The following MRC1 variants were observed in gnomAD, a reference collection of about 807,000 sequenced individuals.
MRC1 encodes the protein macrophage mannose receptor 1.
A neutral mutation model predicts 102.9 loss-of-function variants in MRC1; 62 were observed. That is an observed-to-expected ratio of 0.60 (90% CI 0.49 to 0.74). The LOEUF is 0.74. Among genes scored for constraint, MRC1 ranks in the 30% least tolerant of loss-of-function variants. The probability of loss-of-function intolerance (pLI) is 0.00; values close to 1 mark genes in which losing one functional copy is unlikely to be tolerated. For missense variants in MRC1, 1,237 were observed against 862.8 expected (o/e 1.43, Z -5.43); for synonymous variants, 457 against 298.4 (o/e 1.53, Z -5.48).
At chr10:17,858,596 T>A (rs34902103) in intron 9 of MRC1, among the ~76,000 whole-genome samples, 2,026 of 152,344 alleles carry the variant, frequency 0.013, 55 homozygotes, top group South Asian at 0.1. Context: ...CAAGTAATTC[T>A]TCTGCTTCAG....
intron 22 of MRC1, 31 bp from the exon 23 acceptor site, chr10:17,894,179 G>A: frequency 2.3e-6 from 2 of 869,572 alleles, no homozygotes; most frequent in East Asian, 2.4e-5. Flanking sequence ...ATTCATGATT[G>A]TTTTCTTTTT....
rs1021257071 is a variant in MRC1 at position 17,872,372 on chromosome 10, C to T, written c.2344+246C>T. 3.3e-4 allele frequency among the ~76,000 whole-genome samples: 51 copies of T among 152,252 alleles called. 1 individual carries two copies. The South Asian group carries it at 7.7e-3, about 23-fold the overall frequency. ...GTCACGTCCTTCCAAATAGTTCCCA[C>T]GAGCAGCTCTGATCCTGGCCCAGGT... On this transcript the variant is annotated intron_variant, in intron 15 of 29. Transcript: ENST00000569591.
At chr10:17,868,336 C>T (rs1187494571) in intron 12 of MRC1, among the ~76,000 whole-genome samples, 2 of 152,226 alleles carry the variant, frequency 1.3e-5, no homozygotes, top group Non-Finnish European at 2.9e-5. Context: ...GGGAAGCAGG[C>T]ACCTTGTTCA....
At chr10:17,832,864 C>T (rs967921813) in intron 3 of MRC1, among the ~76,000 whole-genome samples, 1 of 152,108 alleles carries the variant, frequency 6.6e-6, no homozygotes, top group Admixed American at 6.5e-5. Context: ...GCTAGGATTA[C>T]AGGCGTGAGC....
chr10:17,809,365 G>A lies in MRC1; in HGVS notation c.-101G>A. On this transcript the variant is annotated 5_prime_UTR_variant, in exon 1 of 30. Coordinates refer to ENST00000569591, the MANE Select transcript of MRC1 (RefSeq NM_002438.4). ...GTTCTTTTCAGCTGGGCAGCTCTGG[G>A]AACTTGGATTAGGTGGAGAGGCAGT... 1.2e-6 allele frequency: 1 copy of A among 819,052 alleles called. No individual in the cohort carries two copies. Among genetic ancestry groups the A allele is most frequent in the Non-Finnish European group, 2.2e-6 (1 of 454,028 alleles). 50.7% of individuals were successfully genotyped at this position (819,052 alleles called of 1,614,324 possible). A position where few individuals can be genotyped will look rare whatever the true frequency, so the allele number is the denominator to read the frequency against.
intron 4 of MRC1, among the ~76,000 whole-genome samples, chr10:17,835,945 G>T (rs949682011): frequency 6.6e-6 from 1 of 152,230 alleles, no homozygotes; most frequent in African/African-American, 2.4e-5. Context: ...CACTGTGTTA[G>T]TTCCTGCTGT....
intron 22 of MRC1, among the ~76,000 whole-genome samples, chr10:17,892,688 A>G (rs1833696404): frequency 6.6e-6 from 1 of 152,184 alleles, no homozygotes; most frequent in South Asian, 2.1e-4. Context: ...TTTTTAGAAG[A>G]AAGTAGAAAA....
chr10:17,875,305 G>A (rs1833414820), intron 17 of MRC1, 52 bp downstream of exon 17: 3 of 773,302 alleles, frequency 3.9e-6, no homozygotes, highest in Non-Finnish European at 7.2e-6. Context: ...GGGAACAGGT[G>A]TTGTTTGGTT....
chr10:17,848,442 G>A (rs1022558017), intron 6 of MRC1, among the ~76,000 whole-genome samples: 1 of 152,070 alleles, frequency 6.6e-6, no homozygotes, highest in East Asian at 1.9e-4. Context: ...GCCTTCAAAT[G>A]TCTTTATTGT....
At chr10:17,834,240 T>A (rs1838626361) in intron 4 of MRC1, among the ~76,000 whole-genome samples, 1 of 152,136 alleles carries the variant, frequency 6.6e-6, no homozygotes, top group African/African-American at 2.4e-5. Flanking sequence ...AATGATAAAT[T>A]AAAAGACTGC....
intron 21 of MRC1, among the ~76,000 whole-genome samples, chr10:17,884,313 G>C (rs890367586): frequency 3.9e-5 from 6 of 152,134 alleles, no homozygotes; most frequent in African/African-American, 1.4e-4. Context: ...CTAGATCCAA[G>C]CACACTGAGT....
At chr10:17,876,092 C>T (rs1462622220) in intron 17 of MRC1, among the ~76,000 whole-genome samples, 1 of 152,116 alleles carries the variant, frequency 6.6e-6, no homozygotes, top group African/African-American at 2.4e-5. Flanking sequence ...AAAGTGTCTA[C>T]AATTGGTACC....
chr10:17,907,349 A>G (rs1478094241), intron 27 of MRC1, among the ~76,000 whole-genome samples, 185 bp from the exon 28 acceptor site: 1 of 152,236 alleles, frequency 6.6e-6, no homozygotes, highest in Non-Finnish European at 1.5e-5. Context: ...CGGTAAACCT[A>G]TTCTTTTTCG....
In MRC1 at chr10:17,870,915, A is replaced by G; in HGVS notation, c.2179A>G (p.Thr727Ala). The G allele has an allele frequency of 1.1e-6, 1 of 872,408 alleles. No homozygotes were observed. Among genetic ancestry groups the G allele is most frequent in the Non-Finnish European group, 2.0e-6 (1 of 501,222 alleles). 54.0% of individuals were successfully genotyped at this position (872,408 alleles called of 1,614,324 possible). Residue 727 changes from threonine to alanine, a missense_variant, in exon 14 of 30, where the codon ACT becomes GCT. Physicochemically the swap from Thr to Ala is moderately conservative, Grantham distance 58. Coordinates refer to ENST00000569591, the MANE Select transcript of MRC1 (RefSeq NM_002438.4). ...LTYGSPSEGF[T>A]WSDGSPVSYE... Reference sequence around the variant, plus strand: ...ATATGGAAGCCCTTCAGAAGGTTTTACTTGGAGTGATGGTTCTCCTGTGAG... The same window carrying G: ...ATATGGAAGCCCTTCAGAAGGTTTTGCTTGGAGTGATGGTTCTCCTGTGAG...
At chr10:17,895,366 T>A (rs1034332641) in intron 23 of MRC1, among the ~76,000 whole-genome samples, 23,874 of 152,182 alleles carry the variant, frequency 0.16, 2,182 homozygotes, top group Non-Finnish European at 0.21. Context: ...AATCTGCTTT[T>A]TTTTTTTTAA....
chr10:17,815,274 G>T (rs1172034065), intron 1 of MRC1, among the ~76,000 whole-genome samples: 1 of 152,124 alleles, frequency 6.6e-6, no homozygotes, highest in African/African-American at 2.4e-5. Context: ...TGTTACCTGG[G>T]AGCCAAATCC....
chr10:17,879,899 G>T, intron 19 of MRC1, 78 bp downstream of exon 19: 1 of 779,966 alleles, frequency 1.3e-6, no homozygotes, highest in Non-Finnish European at 2.4e-6. Context: ...AAAGTAGCAA[G>T]TTGTGTGCTT....
chr10:17,886,402 T>TTTCACTGTCCCTTTCCCTCTCCCTC (rs1833595933), intron 22 of MRC1, among the ~76,000 whole-genome samples: 3 of 149,818 alleles, frequency 2.0e-5, no homozygotes, highest in African/African-American at 7.4e-5. Flanking sequence ...CCCTCTCCCT[T>TTTCACTGTCCCTTTCCCTCTCCCTC]TTTCACTCTG....
intron 17 of MRC1, 89 bp from the exon 18 acceptor site, chr10:17,877,811 A>C (rs1833457780): frequency 4.7e-6 from 4 of 850,918 alleles, no homozygotes; most frequent in Non-Finnish European, 6.2e-6. Context: ...GGTTTCGATT[A>C]GGCTGCCTCA....
Sources: gnomAD v4.1 joint callset for allele counts (sites outside exome capture counted in the v4.1 genomes callset) on GRCh38, gnomAD v4.1.1 for gene constraint, MANE v1.5 for transcripts, NCBI Gene and HGNC (gene_info 2026-07-23, HGNC 2026-07-21) for gene names.